Variants in PTPRD observed in about 807,000 individuals in gnomAD.
PTPRD encodes the protein receptor-type tyrosine-protein phosphatase delta.
In PTPRD, 34 loss-of-function variants were observed where a neutral mutation model predicts 214.5. That is an observed-to-expected ratio of 0.16 (90% CI 0.12 to 0.21). The LOEUF is 0.21. Among genes scored for constraint, PTPRD ranks in the 10% least tolerant of loss-of-function variants. The pLI is 1.00. For missense variants in PTPRD, 2,545 were observed against 2,398.7 expected (o/e 1.06, Z -1.27); for synonymous variants, 1,128 against 845.7 (o/e 1.33, Z -5.79).
chr9:10,533,875 G>C (rs2057099651), intron 2 of PTPRD, among the ~76,000 whole-genome samples: 1 of 151,422 alleles, frequency 6.6e-6, no homozygotes, highest in African/African-American at 2.4e-5. Flanking sequence ...AAGCATTTCA[G>C]AGCATATAAC....
chr9:9,578,883 T>C (rs909501983), intron 7 of PTPRD, among the ~76,000 whole-genome samples: 1 of 152,150 alleles, frequency 6.6e-6, no homozygotes, highest in African/African-American at 2.4e-5. Context: ...ATAATATTAG[T>C]AGACACCATT....
intron 5 of PTPRD, among the ~76,000 whole-genome samples, chr9:9,776,660 CA>C (rs1328335295): frequency 6.6e-6 from 1 of 152,194 alleles, no homozygotes; most frequent in Non-Finnish European, 1.5e-5. Flanking sequence ...GCTAGTTTAA[CA>C]ACCTAATCAG....
At chr9:9,691,441 C>A (rs1484213320) in intron 7 of PTPRD, among the ~76,000 whole-genome samples, 2 of 151,992 alleles carry the variant, frequency 1.3e-5, no homozygotes, top group Non-Finnish European at 2.9e-5. Flanking sequence ...CCAGTTCTAT[C>A]CATGTTGTTG....
chr9:8,484,711 G>T (rs962381915), intron 29 of PTPRD, among the ~76,000 whole-genome samples: 1 of 145,008 alleles, frequency 6.9e-6, no homozygotes. Context: ...ACGTTTCAAC[G>T]TATTATGAAT....
intron 11 of PTPRD, among the ~76,000 whole-genome samples, chr9:8,761,050 T>C (rs1465710443): frequency 3.3e-5 from 5 of 152,220 alleles, no homozygotes; most frequent in African/African-American, 1.2e-4. Context: ...CCAAGCTTTT[T>C]ACATCTCATG....
chr9:9,970,438 A>AAAAAG (rs1566829150), intron 4 of PTPRD, among the ~76,000 whole-genome samples: 80 of 140,380 alleles, frequency 5.7e-4, no homozygotes, highest in East Asian at 1.8e-3. Context: ...TCAAAAAAAA[A>AAAAAG]AAAAAGAAAA....
At chr9:9,419,194 A>G (rs1332003560) in intron 8 of PTPRD, among the ~76,000 whole-genome samples, 1 of 151,446 alleles carries the variant, frequency 6.6e-6, no homozygotes, top group East Asian at 1.9e-4. Context: ...AAAGCTAAAT[A>G]TAGTCTGTAT....
At chr9:10,115,671 G>A (rs994169314) in intron 3 of PTPRD, among the ~76,000 whole-genome samples, 2 of 151,908 alleles carry the variant, frequency 1.3e-5, no homozygotes, top group African/African-American at 2.4e-5. Flanking sequence ...TCCCCACTAA[G>A]GGAAAGATTC....
intron 2 of PTPRD, among the ~76,000 whole-genome samples, chr9:10,370,080 A>G (rs1278754170): frequency 2.6e-5 from 4 of 152,102 alleles, no homozygotes; most frequent in African/African-American, 7.2e-5. Flanking sequence ...ACATTGAATG[A>G]GGTCTTACAG....
intron 39 of PTPRD, among the ~76,000 whole-genome samples, chr9:8,366,709 G>C (rs1376101583): frequency 6.6e-6 from 1 of 152,062 alleles, no homozygotes; most frequent in African/African-American, 2.4e-5. Context: ...AATGAGAAAG[G>C]GACAGTCACT....
intron 5 of PTPRD, among the ~76,000 whole-genome samples, chr9:9,880,550 G>C (rs566950220): frequency 6.6e-6 from 1 of 152,038 alleles, no homozygotes; most frequent in South Asian, 2.1e-4. Context: ...TTTTATTTTT[G>C]TATCAGGTAT....
rs775574124 is a variant in PTPRD at position 9,042,614 on chromosome 9, C to CT, written c.-142-23880dup. Reference sequence around the variant, plus strand: ...CCACTTAGCATTTTTTCTTTTTTTTCTTTTCTTTTTTTTTTTTTTTGGTCT... The same window carrying CT: ...CCACTTAGCATTTTTTCTTTTTTTTCTTTTTCTTTTTTTTTTTTTTTGGTCT... On this transcript the variant is annotated intron_variant, in intron 10 of 45. Transcript: ENST00000381196. Among the ~76,000 whole-genome samples the CT allele has an allele frequency of 6.6e-3, 747 of 112,412 alleles. 21 individuals carry two copies. The highest frequency in any genetic ancestry group is 0.019 in the Middle Eastern group (4 of 206). The allele number at this position is 112,412 out of a possible 152,430, so 73.7% of individuals were successfully genotyped here.
chr9:8,628,334 TG>T (rs2096120983), intron 14 of PTPRD, among the ~76,000 whole-genome samples: 1 of 151,896 alleles, frequency 6.6e-6, no homozygotes. Flanking sequence ...AAAAGTTGTA[TG>T]TTTTTTTTCC....
chr9:9,228,644 CA>C (rs2099961072), intron 9 of PTPRD, among the ~76,000 whole-genome samples: 1 of 151,964 alleles, frequency 6.6e-6, no homozygotes, highest in Admixed American at 6.6e-5. Context: ...CTTACTTGAT[CA>C]CTGTTTCTGT....
rs542511213 is a variant in PTPRD, at chr9:9,919,955, C to T, written c.-368+18552G>A. 3.3e-5 allele frequency among the ~76,000 whole-genome samples: 5 copies of T among 152,216 alleles called. No homozygotes were observed. In the East Asian group the frequency reaches 9.7e-4, roughly 29 times the overall value. On this transcript the variant is annotated intron_variant, in intron 5 of 45. Transcript: ENST00000381196. ...CTGTTACATTTGTAACACCTATACG[C>T]TTTTCTGTTTCTATCTTCATATACA...
chr9:8,585,628 G>A (rs531017412), intron 14 of PTPRD, among the ~76,000 whole-genome samples: 1 of 152,214 alleles, frequency 6.6e-6, no homozygotes, highest in Non-Finnish European at 1.5e-5. Flanking sequence ...ATGTAGGTAA[G>A]TCAGATTTCT....
intron 9 of PTPRD, among the ~76,000 whole-genome samples, chr9:9,348,375 T>C (rs2049749208): frequency 6.6e-6 from 1 of 152,152 alleles, no homozygotes; most frequent in Non-Finnish European, 1.5e-5. Context: ...TTTCAATAAA[T>C]GCCTACGCAT....
rs1035675194 is a variant in PTPRD, at chr9:9,339,655, A to G, written c.-203+57794T>C. ...TTAGCAATTTTATTCAATTATTTAC[A>G]TCAACTTAATTACCAAGAAACACTT... On this transcript the variant is annotated intron_variant, in intron 9 of 45. Coordinates refer to ENST00000381196, the MANE Select transcript of PTPRD (RefSeq NM_002839.4). 1.3e-5 allele frequency among the ~76,000 whole-genome samples: 2 copies of G among 152,194 alleles called. 1 individual carries two copies. Among genetic ancestry groups the G allele is most frequent in the African/African-American group, 4.8e-5 (2 of 41,452 alleles).
intron 7 of PTPRD, among the ~76,000 whole-genome samples, chr9:9,730,674 G>C (rs2098173222): frequency 6.6e-6 from 1 of 152,054 alleles, no homozygotes; most frequent in African/African-American, 2.4e-5. Context: ...TAGTATCTCA[G>C]TATATATAGT....
Sources: gnomAD v4.1 joint callset for allele counts (sites outside exome capture counted in the v4.1 genomes callset) on GRCh38, gnomAD v4.1.1 for gene constraint, MANE v1.5 for transcripts, NCBI Gene and HGNC (gene_info 2026-07-23, HGNC 2026-07-21) for gene names.